The following ETFDH variants were observed in gnomAD, a reference collection of about 807,000 sequenced individuals.
ETFDH encodes electron transfer flavoprotein dehydrogenase.
Under a neutral mutation model 73.2 loss-of-function variants are expected in ETFDH, and 61 were observed. That is an observed-to-expected ratio of 0.83 (90% CI 0.68 to 1.03). The LOEUF (loss-of-function observed/expected upper bound fraction) is 1.03, where lower values mean the gene tolerates loss of function less well. Among genes scored for constraint, ETFDH ranks in the 50% least tolerant of loss-of-function variants. The pLI, the probability that ETFDH is intolerant of heterozygous loss-of-function variation, is 0.00. For synonymous variants in ETFDH, 243 were observed against 253.3 expected (o/e 0.96, Z 0.39); for missense variants, 685 against 745.0 (o/e 0.92, Z 0.94).
chr4:158,705,070 G>A (rs1774571408), intron 10 of ETFDH, among the ~76,000 whole-genome samples: 1 of 152,162 alleles, frequency 6.6e-6, no homozygotes, highest in South Asian at 2.1e-4. Context: ...TAAAGAAAAG[G>A]GGAGTGGAGC....
intron 6 of ETFDH, among the ~76,000 whole-genome samples, chr4:158,695,017 T>C (rs1376286544): frequency 6.6e-6 from 1 of 152,216 alleles, no homozygotes; most frequent in Non-Finnish European, 1.5e-5. Context: ...TCACATCTGG[T>C]GAATATTGTA....
At chr4:158,678,851 A>T (rs992131775) in intron 1 of ETFDH, among the ~76,000 whole-genome samples, 3 of 151,934 alleles carry the variant, frequency 2.0e-5, no homozygotes, top group Non-Finnish European at 2.9e-5. Context: ...TGTAGAGAAG[A>T]GGTCTTGCTA....
At chr4:158,689,402 T>C (rs1230937993) in intron 5 of ETFDH, among the ~76,000 whole-genome samples, 1 of 151,736 alleles carries the variant, frequency 6.6e-6, no homozygotes, top group African/African-American at 2.4e-5. Flanking sequence ...TTTTCACTTT[T>C]GGAATACATA....
intron 1 of ETFDH, among the ~76,000 whole-genome samples, chr4:158,673,025 T>C (rs1203167013): frequency 6.6e-6 from 1 of 152,142 alleles, no homozygotes; most frequent in African/African-American, 2.4e-5. Flanking sequence ...AATTAAGGGC[T>C]GGGCGTGGTG....
At chr4:158,673,549 C>A (rs1471986725) in intron 1 of ETFDH, among the ~76,000 whole-genome samples, 1 of 152,038 alleles carries the variant, frequency 6.6e-6, no homozygotes, top group African/African-American at 2.4e-5. Flanking sequence ...ATTCCAAATT[C>A]AAGGATATTC....
chr4:158,704,358 T>G (rs1443986484), intron 10 of ETFDH, among the ~76,000 whole-genome samples: 1 of 152,186 alleles, frequency 6.6e-6, no homozygotes, highest in Admixed American at 6.5e-5. Context: ...TCCGTAAAGC[T>G]TTAATCTAAA....
rs564458735 is a variant in ETFDH at position 158,684,187 on chromosome 4, C to T, written c.406-405C>T. Reference sequence around the variant, plus strand: ...GATGGATGACTTGAGGTCAGGAGTTCGAGACCAGCCTGGCCAACATGGTAA... The same window carrying T: ...GATGGATGACTTGAGGTCAGGAGTTTGAGACCAGCCTGGCCAACATGGTAA... On this transcript the variant is annotated intron_variant, in intron 3 of 12. Coordinates refer to ENST00000511912, the MANE Select transcript of ETFDH (RefSeq NM_004453.4). Among the ~76,000 whole-genome samples the T allele has an allele frequency of 9.2e-5, 14 of 152,174 alleles. No individual in the cohort carries two copies. In the East Asian group the frequency reaches 2.3e-3, roughly 25 times the overall value.
Position 158,708,387 on chromosome 4 carries a change from G to A in ETFDH, c.1714G>A (p.Glu572Lys), listed in dbSNP as rs1433513689. 1 of 1,610,912 alleles carries A rather than the reference G, an allele frequency of 6.2e-7. No individual in the cohort carries two copies. Among genetic ancestry groups the A allele is most frequent in the Non-Finnish European group, 8.5e-7 (1 of 1,177,316 alleles). The change falls in exon 13 of 13, where the codon GAA becomes AAA. Residue 572 changes from glutamate (E) to lysine (K), a missense_variant. Around this residue, in one of 3 missense-constraint regions of ETFDH, gnomAD observed 201 missense variants for 225.2 expected, o/e 0.89. Coordinates refer to ENST00000511912, the MANE Select transcript of ETFDH (RefSeq NM_004453.4). The stretch of plus-strand genomic sequence containing the variant: ...AGGAGTTTATGAATTTGTACCTGTG[G>A]AACAAGGTGATGGATTTCGGTTACA... Reference protein sequence around the residue: ...PAGVYEFVPVEQGDGFRLQIN... With the variant: ...PAGVYEFVPVKQGDGFRLQIN...
At chr4:158,673,598 G>T (rs114653187) in intron 1 of ETFDH, among the ~76,000 whole-genome samples, 1,772 of 152,148 alleles carry the variant, frequency 0.012, 26 homozygotes, top group African/African-American at 0.038. Flanking sequence ...GTTAAATTTG[G>T]CTTCCATATA....
At chr4:158,708,297 T>G (rs1774692429) in intron 12 of ETFDH, 67 bp from the exon 13 acceptor site, 1 of 1,240,240 alleles carries the variant, frequency 8.1e-7, no homozygotes, top group Non-Finnish European at 1.2e-6. Flanking sequence ...TTTCCTTAAT[T>G]TTTACTTTTG....
intron 7 of ETFDH, among the ~76,000 whole-genome samples, chr4:158,696,708 C>G (rs1561246191): frequency 6.6e-6 from 1 of 152,002 alleles, no homozygotes; most frequent in Non-Finnish European, 1.5e-5. Flanking sequence ...TTAAAATTTA[C>G]CAGTCTGAAA....
chr4:158,706,249 A>G lies in ETFDH; in HGVS notation c.1346A>G (p.Tyr449Cys). ...LKNSWVWKEL[Y>C]SVRNIRPSCH... is the part of the protein sequence containing the mutation. Reference sequence around the variant, plus strand: ...AACTCATGGGTATGGAAAGAGCTATATTCTGTTAGAAATATAAGACCGTCC... The same window carrying G: ...AACTCATGGGTATGGAAAGAGCTATGTTCTGTTAGAAATATAAGACCGTCC... The change falls in exon 11 of 13, where the codon TAT (tyrosine) becomes TGT (cysteine). Residue 449 changes from tyrosine (Y) to cysteine (C), a missense_variant. Tyr to Cys is a radical substitution (Grantham distance 194). This residue lies in a region of ETFDH where 201 missense variants were observed against 225.2 expected (regional missense o/e 0.89). Transcript: ENST00000511912. 6.2e-7 allele frequency: 1 copy of G among 1,612,260 alleles called. No homozygotes were observed.
intron 7 of ETFDH, among the ~76,000 whole-genome samples, chr4:158,695,938 C>G (rs1383393002): frequency 6.6e-6 from 1 of 152,038 alleles, no homozygotes; most frequent in Non-Finnish European, 1.5e-5. Context: ...CATTGTAATG[C>G]CATCTGCCCT....
rs371260517 is a variant in ETFDH, at chr4:158,695,545, G to A, written c.733G>A (p.Ala245Thr). 3.7e-6 allele frequency: 6 copies of A among 1,612,874 alleles called. No homozygotes were observed. Among genetic ancestry groups the A allele is most frequent in the Non-Finnish European group, 5.1e-6 (6 of 1,179,234 alleles). The change falls in exon 7 of 13, where the codon GCA becomes ACA. Residue 245 changes from alanine (A) to threonine (T), a missense_variant. Physicochemically the swap from Ala to Thr is moderately conservative, Grantham distance 58. Coordinates refer to ENST00000511912, the MANE Select transcript of ETFDH (RefSeq NM_004453.4). ...ACTACATGCTAAAGTCACAATTTTT[G>A]CAGAAGGTTGCCATGGACATCTAGC... ...LELHAKVTIF[A>T]EGCHGHLAKQ...
Position 158,690,393 on chromosome 4 carries a change from G to T in ETFDH, c.652G>T (p.Asp218Tyr). The T allele has an allele frequency of 6.2e-7, 1 of 1,603,564 alleles. No individual in the cohort carries two copies. The highest frequency in any genetic ancestry group is 8.5e-7 in the Non-Finnish European group (1 of 1,170,552). The change falls in exon 6 of 13, where the codon GAT (aspartate) becomes TAT (tyrosine). Residue 218 changes from aspartate (D) to tyrosine (Y), a missense_variant. By Grantham distance (160) the Asp-to-Tyr change is radical (BLOSUM62 -3). Coordinates refer to ENST00000511912, the MANE Select transcript of ETFDH (RefSeq NM_004453.4). ...DGSVKGIATN[D>Y]VGIQKDGAPK... ...TAGTGTAAAAGGAATTGCCACTAAC[G>T]ATGTAGGGATACAAAAGGATGGTGC... is the stretch of plus-strand genomic sequence containing the variant.
At chr4:158,675,326 A>G (rs1345667498) in intron 1 of ETFDH, among the ~76,000 whole-genome samples, 2 of 152,180 alleles carry the variant, frequency 1.3e-5, no homozygotes, top group Non-Finnish European at 2.9e-5. Flanking sequence ...TCTTTCACAT[A>G]GCATATTGTT....
At chr4:158,685,058 A>G (rs755558080) in intron 4 of ETFDH, 43 bp from the exon 5 acceptor site, 1 of 1,137,538 alleles carries the variant, frequency 8.8e-7, no homozygotes. Flanking sequence ...GTAATGTCTT[A>G]TCAATAAAAA....
chr4:158,709,019 T>TTGTGTGTG lies in ETFDH; in HGVS notation c.*524_*531dup, dbSNP rs55861035. On this transcript the variant is annotated 3_prime_UTR_variant, in exon 13 of 13. Transcript: ENST00000511912. ...GAAGTATGCCCATCCCTGAACAAGT[T>TTGTGTGTG]TGTGTGTGTGTGTGTGTGTGTGTGT... 10,655 of 150,454 alleles carry TTGTGTGTG rather than the reference T, an allele frequency of 0.071. 455 individuals are homozygous for TTGTGTGTG. Among genetic ancestry groups the TTGTGTGTG allele is most frequent in the African/African-American group, 0.12 (4,544 of 37,804 alleles). 9.3% of individuals were successfully genotyped at this position (150,454 alleles called of 1,614,324 possible). A position where few individuals can be genotyped will look rare whatever the true frequency, so the allele number is the denominator to read the frequency against.
At chr4:158,678,449 T>C (rs1162961499) in intron 1 of ETFDH, among the ~76,000 whole-genome samples, 2 of 152,162 alleles carry the variant, frequency 1.3e-5, no homozygotes, top group Non-Finnish European at 2.9e-5. Flanking sequence ...CCACATCATA[T>C]CAGGGATACA....
Sources: gnomAD v4.1 joint callset for allele counts (sites outside exome capture counted in the v4.1 genomes callset) on GRCh38, gnomAD v4.1.1 for gene constraint, gnomAD v4.1.1 regional missense constraint, MANE v1.5 for transcripts, NCBI Gene and HGNC (gene_info 2026-07-23, HGNC 2026-07-21) for gene names.